Variants in CFAP46 observed in about 807,000 individuals in gnomAD.
The protein encoded by CFAP46 is cilia and flagella associated protein 46, also known as cilia- and flagella-associated protein 46.
A neutral mutation model predicts 325.7 loss-of-function variants in CFAP46; 245 were observed. The observed-to-expected ratio is 0.75, with a 90% CI of 0.68 to 0.84. The LOEUF (loss-of-function observed/expected upper bound fraction) is 0.84, where lower values mean the gene tolerates loss of function less well. Ranked by LOEUF, CFAP46 falls within the 40% of genes least tolerant of loss-of-function variation. CFAP46 has a pLI of 0.00. For synonymous variants in CFAP46, 1,523 were observed against 1,495.9 expected (o/e 1.02, Z -0.42); for missense variants, 3,346 against 3,543.0 (o/e 0.94, Z 1.41).
At position 132,941,665 on chromosome 10, in the gene CFAP46, G is replaced by A. The variant is rs749080624; in HGVS notation, c.232C>T (p.Pro78Ser). 11 of 1,613,926 alleles carry A rather than the reference G, an allele frequency of 6.8e-6. No homozygotes were observed. The highest frequency in any genetic ancestry group is 1.1e-5 in the South Asian group (1 of 91,092). Residue 78 changes from proline (P) to serine (S), a missense_variant, in exon 3 of 58, where the codon CCC becomes TCC. Physicochemically the swap from Pro to Ser is moderately conservative, Grantham distance 74. Transcript: ENST00000368586. ...CIQMYFKVKA[P>S]ITQFLGRAHL... is the part of the protein sequence containing the mutation. The stretch of plus-strand genomic sequence containing the variant: ...GCTCGGCCCAGAAACTGGGTGATGG[G>A]CGCCTTCACCTTGAAGTACATTTGG...
intron 39 of CFAP46, among the ~76,000 whole-genome samples, chr10:132,852,242 A>G (rs4880279): frequency 0.049 from 1,669 of 34,188 alleles, no homozygotes; most frequent in African/African-American, 0.18. Flanking sequence ...CTCAGATCCC[A>G]ATCCACAGAC....
intron 22 of CFAP46, among the ~76,000 whole-genome samples, chr10:132,904,379 G>C (rs550466510): frequency 6.8e-5 from 9 of 131,888 alleles, no homozygotes; most frequent in African/African-American, 2.5e-4. Context: ...CCAACACTGC[G>C]CCCAGGGCAG....
At position 132,808,470 on chromosome 10, in the gene CFAP46, C is replaced by T. The variant is rs776137776; in HGVS notation, c.8099G>A (p.Ser2700Asn). Residue 2700 changes from serine (S) to asparagine (N), a missense_variant, in exon 58 of 58, where the codon AGT becomes AAT. Coordinates refer to ENST00000368586, the MANE Select transcript of CFAP46 (RefSeq NM_001200049.3). This position sits in a 1 kb window ranked among gnomAD's most constrained non-coding sequence, Gnocchi z 6.8. ...GGLPLAALVL[S>N]CLDQKTIQTV... ...CTGAATAGTCTTCTGGTCTAAGCAACTCAGCACCAGCGCCGCCAAGGGGAG... is the reference window on the plus strand; with the variant it reads ...CTGAATAGTCTTCTGGTCTAAGCAATTCAGCACCAGCGCCGCCAAGGGGAG... 1.2e-6 allele frequency: 2 copies of T among 1,613,116 alleles called. No homozygotes were observed.
chr10:132,912,913 A>G (rs1282811908), intron 18 of CFAP46, 93 bp from the exon 19 acceptor site: 2 of 1,499,022 alleles, frequency 1.3e-6, no homozygotes, highest in Non-Finnish European at 1.8e-6. Flanking sequence ...AAGAGGCCTG[A>G]GATGCACGGG....
At position 132,811,046 on chromosome 10, in the gene CFAP46, A is replaced by G; in HGVS notation, c.7502-15T>C. On this transcript the variant is annotated splice_polypyrimidine_tract_variant and intron_variant, in intron 55 of 57. Transcript: ENST00000368586. ...CACCTGGCACTCTGCCGGGACGGGA[A>G]GGGCAGCTCAGCAGCCTTGGCCTGA... is the stretch of plus-strand genomic sequence containing the variant. 1.9e-6 allele frequency: 3 copies of G among 1,568,826 alleles called. No individual in the cohort carries two copies. The highest frequency in any genetic ancestry group is 2.6e-6 in the Non-Finnish European group (3 of 1,157,666).
chr10:132,884,375 T>C lies in CFAP46; in HGVS notation c.3627+728A>G, dbSNP rs1401844856. On this transcript the variant is annotated intron_variant, in intron 27 of 57. Coordinates refer to ENST00000368586, the MANE Select transcript of CFAP46 (RefSeq NM_001200049.3). This position sits in a 1 kb window ranked among gnomAD's most constrained non-coding sequence, Gnocchi z 5.4. ...TCAGTTCCCGATGCCAAGGGCCCCC[T>C]GGACCCCAGAACAATCCAAAGGCCT... Among the ~76,000 whole-genome samples the C allele has an allele frequency of 6.6e-6, 1 of 152,168 alleles. No individual in the cohort carries two copies. The highest frequency in any genetic ancestry group is 2.4e-5 in the African/African-American group (1 of 41,444).
At chr10:132,880,510 C>A (rs2135365336) in intron 28 of CFAP46, among the ~76,000 whole-genome samples, 1 of 152,318 alleles carries the variant, frequency 6.6e-6, no homozygotes, top group South Asian at 2.1e-4. Flanking sequence ...GCTCCCCCGG[C>A]CTCCTGAGGA....
chr10:132,911,298 C>T (rs995743147), intron 19 of CFAP46, among the ~76,000 whole-genome samples: 5 of 152,252 alleles, frequency 3.3e-5, no homozygotes, highest in African/African-American at 4.8e-5. Flanking sequence ...AGCACTAGGG[C>T]CCTCTCTGGC....
At position 132,887,157 on chromosome 10, in the gene CFAP46, CCT is replaced by C. The variant is rs765990315; in HGVS notation, c.3305-1200_3305-1199del. On this transcript the variant is annotated intron_variant, in intron 25 of 57. Coordinates refer to ENST00000368586, the MANE Select transcript of CFAP46 (RefSeq NM_001200049.3). Reference sequence around the variant, plus strand: ...TCTGTCCTCTCTCACTTCTCTCTCTCCTCTCTCTTCTTTCCTCTCCCCTCTTC... The same window carrying C: ...TCTGTCCTCTCTCACTTCTCTCTCTCCTCTCTTCTTTCCTCTCCCCTCTTC... Among the ~76,000 whole-genome samples, 284 of 42,432 alleles carry C rather than the reference CCT, an allele frequency of 6.7e-3. 4 individuals carry two copies. Among genetic ancestry groups the C allele is most frequent in the Non-Finnish European group, 9.5e-3 (213 of 22,514 alleles). 27.8% of individuals were successfully genotyped at this position (42,432 alleles called of 152,430 possible). A position where few individuals can be genotyped will look rare whatever the true frequency, so the allele number is the denominator to read the frequency against.
In CFAP46 at chr10:132,934,846, C is replaced by T; in HGVS notation, c.772G>A (p.Asp258Asn). 1 of 1,604,928 alleles carries T rather than the reference C, an allele frequency of 6.2e-7. No homozygotes were observed. Among genetic ancestry groups the T allele is most frequent in the Non-Finnish European group, 8.5e-7 (1 of 1,172,110 alleles). Residue 258 changes from aspartate (D) to asparagine (N), a missense_variant, in exon 8 of 58, where the codon GAT becomes AAT. By Grantham distance (23) the Asp-to-Asn change is conservative. Transcript: ENST00000368586. The stretch of plus-strand genomic sequence containing the variant: ...ATGACACTGATGTCACCTGGTAAAT[C>T]ATTTTGCTCCGCTTTTCTAGAAATA... ...NMLKAKAEQNDLPGDISVILR... is the reference protein window; with the variant it reads ...NMLKAKAEQNNLPGDISVILR...
chr10:132,877,678 G>C lies in CFAP46; in HGVS notation c.4212+203C>G, dbSNP rs9419244. On this transcript the variant is annotated intron_variant, in intron 30 of 57. Coordinates refer to ENST00000368586, the MANE Select transcript of CFAP46 (RefSeq NM_001200049.3). The surrounding 1 kb of genome is among the most constrained non-coding windows in gnomAD (Gnocchi z 5.7). Reference sequence around the variant, plus strand: ...GAGAGAAACTGAGGCACAGAGGCCAGCCGGGGCCCAGCCTCTGCACTGAGG... The same window carrying C: ...GAGAGAAACTGAGGCACAGAGGCCACCCGGGGCCCAGCCTCTGCACTGAGG... Among the ~76,000 whole-genome samples the C allele has an allele frequency of 0.015, 2,288 of 151,884 alleles. 28 individuals are homozygous for C. The highest frequency in any genetic ancestry group is 0.023 in the Non-Finnish European group (1,528 of 67,896).
At chr10:132,914,858 G>A (rs571818683) in intron 17 of CFAP46, among the ~76,000 whole-genome samples, 2 of 152,336 alleles carry the variant, frequency 1.3e-5, no homozygotes. Context: ...GCTCCCTTGA[G>A]CCTCCTGGCT....
chr10:132,908,345 C>T (rs541934785), intron 22 of CFAP46, 123 bp downstream of exon 22: 40 of 1,231,978 alleles, frequency 3.2e-5, no homozygotes, highest in South Asian at 2.1e-4. Flanking sequence ...CCCAGGCCCG[C>T]GCTCCCTGCC....
At chr10:132,881,145 C>A in intron 27 of CFAP46, 113 bp from the exon 28 acceptor site, 1 of 1,043,606 alleles carries the variant, frequency 9.6e-7, no homozygotes, top group South Asian at 1.5e-5. Flanking sequence ...ATTCTTACCC[C>A]CACAGTGATC....
At chr10:132,924,205 G>A (rs112414340) in intron 11 of CFAP46, among the ~76,000 whole-genome samples, 3 of 149,862 alleles carry the variant, frequency 2.0e-5, no homozygotes, top group Non-Finnish European at 4.4e-5. Context: ...GATGCCTGCC[G>A]CCTGCCTGCC....
chr10:132,851,143 T>C lies in CFAP46; in HGVS notation c.5737A>G (p.Thr1913Ala), dbSNP rs144466555. 23 of 1,614,002 alleles carry C rather than the reference T, an allele frequency of 1.4e-5. No homozygotes were observed. The East Asian group carries it at 4.9e-4, about 34-fold the overall frequency. ...AGGCCGACGGAAGTGTAGTCACTGG[T>C]GTTCTGCAGATAGTCCGCCAGCAGC... ...EKLLADYLQN[T>A]SDYTSVGLQW... The change falls in exon 40 of 58, where the codon ACC becomes GCC. Residue 1913 changes from threonine to alanine, a missense_variant. By Grantham distance (58) the Thr-to-Ala change is moderately conservative (BLOSUM62 0). Coordinates refer to ENST00000368586, the MANE Select transcript of CFAP46 (RefSeq NM_001200049.3).
Position 132,859,124 on chromosome 10 carries a change from A to G in CFAP46, c.5322T>C (p.Cys1774=). The G allele has an allele frequency of 6.4e-7, 1 of 1,551,044 alleles. No individual in the cohort carries two copies. The highest frequency in any genetic ancestry group is 1.2e-5 in the South Asian group (1 of 84,062). ...LLEIERKFID[C]GCKENCVDVK... ...CGTCAACACAATTCTCTTTGCAGCC[A>G]CAGTCGATAAACTTTCTCTCAATTT... Residue 1774 remains cysteine, a synonymous_variant, in exon 38 of 58, where the codon TGT becomes TGC. Coordinates refer to ENST00000368586, the MANE Select transcript of CFAP46 (RefSeq NM_001200049.3).
At chr10:132,864,320 T>C (rs1460986701) in intron 35 of CFAP46, among the ~76,000 whole-genome samples, 1 of 109,192 alleles carries the variant, frequency 9.2e-6, no homozygotes, top group African/African-American at 3.6e-5. Flanking sequence ...TTCCCCTGCC[T>C]GAGACCTGCA....
In CFAP46 at chr10:132,910,022, T is replaced by G; in HGVS notation, c.2546A>C (p.Glu849Ala). 6.5e-7 allele frequency: 1 copy of G among 1,540,058 alleles called. No homozygotes were observed. ...CTGCCGGGTGCCGGTGGGCACCGTC[T>G]CCTCGGGCGCACTCCCATTGGTCAG... is the stretch of plus-strand genomic sequence containing the variant. ...LNLTNGSAPE[E>A]TVPTGTRQQL... Residue 849 changes from glutamate (E) to alanine (A), a missense_variant, in exon 20 of 58, where the codon GAG becomes GCG. By Grantham distance (107) the Glu-to-Ala change is moderately radical. Transcript: ENST00000368586.
Sources: allele counts gnomAD v4.1 joint callset (sites outside exome capture counted in the v4.1 genomes callset), GRCh38; gene constraint gnomAD v4.1.1; non-coding constraint Gnocchi (gnomAD v3.1); transcripts MANE v1.5; gene names NCBI Gene and HGNC (gene_info 2026-07-23, HGNC 2026-07-21).